Variants in ZNF862 observed in about 807,000 individuals in gnomAD.
The protein encoded by ZNF862 is zinc finger protein 862.
In ZNF862, 64 loss-of-function variants were observed where a neutral mutation model predicts 91.1. The observed-to-expected ratio is 0.70, with a 90% CI of 0.57 to 0.87. The LOEUF is 0.87. Ranked by LOEUF, ZNF862 falls within the 40% of genes least tolerant of loss-of-function variation. ZNF862 has a pLI of 0.00. For missense variants in ZNF862, 1,459 were observed against 1,528.0 expected, an observed-to-expected ratio of 0.95 and a Z score of 0.75; for synonymous variants, 631 against 618.1, an observed-to-expected ratio of 1.02 and a Z score of -0.31.
At chr7:149,844,540 G>C (rs1801807150) in intron 1 of ZNF862, 85 bp from the exon 2 acceptor site, 1 of 882,644 alleles carries the variant, frequency 1.1e-6, no homozygotes, top group Non-Finnish European at 1.8e-6. Context: ...TCCCCGTGTA[G>C]GGTGCCCTCA....
At position 149,848,352 on chromosome 7, in the gene ZNF862, C is replaced by T; in HGVS notation, c.859C>T (p.Gln287Ter). ...MYLDCISDLR[Q>*]KEITDGIHSS... ...TCTAGACTGCATTTCAGATTTGAGGCAAAAAGAAATCACTGATGGCATCCA... is the reference window on the plus strand; with the variant it reads ...TCTAGACTGCATTTCAGATTTGAGGTAAAAAGAAATCACTGATGGCATCCA... The change falls in exon 4 of 8, where the codon CAA (glutamine) becomes TAA (stop). Residue 287 changes from glutamine (Q) to a stop codon, truncating the protein, a stop_gained. Transcript: ENST00000223210. LOFTEE classifies it high-confidence loss of function. 6.2e-7 allele frequency: 1 copy of T among 1,603,678 alleles called. No individual in the cohort carries two copies. Among genetic ancestry groups the T allele is most frequent in the South Asian group, 1.1e-5 (1 of 89,300 alleles).
chr7:149,840,957 G>A (rs772978650), intron 1 of ZNF862: 18 of 985,218 alleles, frequency 1.8e-5, no homozygotes, highest in African/African-American at 3.5e-5. Flanking sequence ...ACCTGATTCC[G>A]TGTCCTGTCC....
intron 5 of ZNF862, chr7:149,859,031 G>A: frequency 3.9e-6 from 1 of 257,670 alleles, no homozygotes; most frequent in South Asian, 3.0e-5. Flanking sequence ...GGGGCAGAGG[G>A]GCACACGCGT....
Position 149,862,440 on chromosome 7 carries a change from C to T in ZNF862, c.3280C>T (p.Arg1094Trp), listed in dbSNP as rs370146511. ...GCACTGGTACCTGACCTCCTCAGGCCGGCGTTTCAGCCATGTCTACACCTG... is the reference window on the plus strand; with the variant it reads ...GCACTGGTACCTGACCTCCTCAGGCTGGCGTTTCAGCCATGTCTACACCTG... ...IQHWYLTSSG[R>W]RFSHVYTCAQ... The change falls in exon 7 of 8, where the codon CGG (arginine) becomes TGG (tryptophan). Residue 1094 changes from arginine to tryptophan, a missense_variant. Transcript: ENST00000223210. The T allele has an allele frequency of 4.0e-5, 64 of 1,611,810 alleles. No individual in the cohort carries two copies. Among genetic ancestry groups the T allele is most frequent in the African/African-American group, 5.3e-5 (4 of 74,892 alleles).
chr7:149,852,171 CAT>C (rs573896348), intron 5 of ZNF862: 11 of 151,428 alleles, frequency 7.3e-5, no homozygotes, highest in Non-Finnish European at 1.2e-4. Flanking sequence ...AGTGTTAAAA[CAT>C]AGTGGAGATT....
intron 5 of ZNF862, among the ~76,000 whole-genome samples, chr7:149,857,007 C>G (rs1802286736): frequency 6.6e-6 from 1 of 152,188 alleles, no homozygotes; most frequent in South Asian, 2.1e-4. Flanking sequence ...CTAGTGCCTT[C>G]TTATTCCAGA....
chr7:149,859,286 C>A, intron 5 of ZNF862, 136 bp from the exon 6 acceptor site: 1 of 823,602 alleles, frequency 1.2e-6, no homozygotes, highest in Non-Finnish European at 2.0e-6. Flanking sequence ...GCTCAGCCTG[C>A]CCCTGGCCGA....
At chr7:149,848,457 T>C in intron 4 of ZNF862, 25 bp downstream of exon 4, 1 of 1,454,824 alleles carries the variant, frequency 6.9e-7, no homozygotes, top group Non-Finnish European at 9.1e-7. Context: ...ATGATTGCTG[T>C]ATCTTACAGA....
In ZNF862 at chr7:149,864,914, T is replaced by A. The variant is rs1802660124; in HGVS notation, c.*630T>A. 6.6e-6 allele frequency: 1 copy of A among 152,386 alleles called. No homozygotes were observed. Among genetic ancestry groups the A allele is most frequent in the East Asian group, 1.9e-4 (1 of 5,188 alleles). 9.4% of individuals were successfully genotyped at this position (152,386 alleles called of 1,614,324 possible). A position where few individuals can be genotyped will look rare whatever the true frequency, so the allele number is the denominator to read the frequency against. ...AAAGTTCTCTTCCTGCAGCTCCAGA[T>A]GGTGGAGCTGGGCTCTTCTGGCAGG... On this transcript the variant is annotated 3_prime_UTR_variant, in exon 8 of 8. Transcript: ENST00000223210.
In ZNF862 at chr7:149,848,095, T is replaced by C; in HGVS notation, c.602T>C (p.Phe201Ser). ...CACGCGAAGAGCAAGGCCCACATGT[T>C]CTGTGTCAATGCCTTGGCAGCGAGG... ...KYHAKSKAHM[F>S]CVNALAARDP... The change falls in exon 4 of 8, where the codon TTC (phenylalanine) becomes TCC (serine). Residue 201 changes from phenylalanine (F) to serine (S), a missense_variant. Transcript: ENST00000223210. The C allele has an allele frequency of 1.2e-6, 2 of 1,614,054 alleles. No individual in the cohort carries two copies. The highest frequency in any genetic ancestry group is 2.2e-5 in the South Asian group (2 of 91,086).
At chr7:149,863,017 G>A (rs1802575444) in intron 7 of ZNF862, among the ~76,000 whole-genome samples, 1 of 152,222 alleles carries the variant, frequency 6.6e-6, no homozygotes, top group African/African-American at 2.4e-5. Context: ...GGTCCATGTG[G>A]CTGTGGAGGA....
At chr7:149,846,292 C>T (rs1221832243) in intron 3 of ZNF862, 37 bp downstream of exon 3, 1 of 1,541,478 alleles carries the variant, frequency 6.5e-7, no homozygotes. Context: ...AGATGCTTGG[C>T]TGGAGAGGGA....
At chr7:149,848,837 C>T (rs57340834) in intron 4 of ZNF862, among the ~76,000 whole-genome samples, 6,633 of 152,162 alleles carry the variant, frequency 0.044, 448 homozygotes, top group African/African-American at 0.14. Context: ...AGGGTATGGC[C>T]CTGTCACCCA....
At position 149,861,135 on chromosome 7, in the gene ZNF862, C is replaced by G. The variant is rs753978153; in HGVS notation, c.1975C>G (p.Leu659Val). The change falls in exon 7 of 8, where the codon CTG (leucine) becomes GTG (valine). Residue 659 changes from leucine to valine, a missense_variant. Coordinates refer to ENST00000223210, the MANE Select transcript of ZNF862 (RefSeq NM_001099220.3). This position sits in a 1 kb window ranked among gnomAD's most constrained non-coding sequence, Gnocchi z 6.7. ...GGAGGTGAAAGAGTCCTACATCACTCTGGCCCCTCTCTACAGTGAGACAGC... is the reference window on the plus strand; with the variant it reads ...GGAGGTGAAAGAGTCCTACATCACTGTGGCCCCTCTCTACAGTGAGACAGC... ...QMEVKESYIT[L>V]APLYSETADG... 12 of 1,613,068 alleles carry G rather than the reference C, an allele frequency of 7.4e-6. No homozygotes were observed. Among genetic ancestry groups the G allele is most frequent in the Non-Finnish European group, 1.0e-5 (12 of 1,179,854 alleles).
chr7:149,841,808 G>C, intron 1 of ZNF862: 2 of 962,878 alleles, frequency 2.1e-6, no homozygotes, highest in African/African-American at 1.8e-5. Flanking sequence ...TCTGAACATG[G>C]TTCTATTATT....
In ZNF862 at chr7:149,848,135, A is replaced by G. The variant is rs751043243; in HGVS notation, c.642A>G (p.Ala214=). The G allele has an allele frequency of 5.0e-6, 8 of 1,614,076 alleles. No individual in the cohort carries two copies. The highest frequency in any genetic ancestry group is 6.8e-6 in the Non-Finnish European group (8 of 1,179,896). The change falls in exon 4 of 8, where the codon GCA becomes GCG. Residue 214 remains alanine (A), a synonymous_variant. Coordinates refer to ENST00000223210, the MANE Select transcript of ZNF862 (RefSeq NM_001099220.3). ...TGGCAGCGAGGGACCCCATCTGGGC[A>G]GCCCGGTTCCGGAGCATCAGAGACC... is the stretch of plus-strand genomic sequence containing the variant. ...NALAARDPIW[A]ARFRSIRDPP...
chr7:149,860,370 A>G lies in ZNF862; in HGVS notation c.1223-13A>G, dbSNP rs772970861. ...GGGTAGCAGAACCAAGCATGATTCA[A>G]TTTTCTCCAAAGGGAACAAGAAGAT... On this transcript the variant is annotated splice_polypyrimidine_tract_variant and intron_variant, in intron 6 of 7. Coordinates refer to ENST00000223210, the MANE Select transcript of ZNF862 (RefSeq NM_001099220.3). 14 of 1,596,294 alleles carry G rather than the reference A, an allele frequency of 8.8e-6. 1 individual carries two copies. Among genetic ancestry groups the G allele is most frequent in the East Asian group, 2.2e-5 (1 of 44,726 alleles).
In ZNF862 at chr7:149,846,744, G is replaced by C. The variant is rs1014714596; in HGVS notation, c.241+489G>C. ...TACGTAAAATAACTGCGTTAACCCAGCCCCTACTGTGGGAGAAGAGGGAGG... is the reference window on the plus strand; with the variant it reads ...TACGTAAAATAACTGCGTTAACCCACCCCCTACTGTGGGAGAAGAGGGAGG... On this transcript the variant is annotated intron_variant, in intron 3 of 7. Coordinates refer to ENST00000223210, the MANE Select transcript of ZNF862 (RefSeq NM_001099220.3). Among the ~76,000 whole-genome samples, 3 of 152,208 alleles carry C rather than the reference G, an allele frequency of 2.0e-5. No individual in the cohort carries two copies. The South Asian group carries it at 6.2e-4, about 32-fold the overall frequency.
rs1228217469 is a variant in ZNF862, at chr7:149,847,729, C to T, written c.242-6C>T. 2 of 1,600,672 alleles carry T rather than the reference C, an allele frequency of 1.2e-6. No homozygotes were observed. Among genetic ancestry groups the T allele is most frequent in the Non-Finnish European group, 1.7e-6 (2 of 1,173,952 alleles). Reference sequence around the variant, plus strand: ...AAAGCCAATCCCTTCTGTCTCTTCTCTAAAGGAAAAAAACAGATGGGCTAC... The same window carrying T: ...AAAGCCAATCCCTTCTGTCTCTTCTTTAAAGGAAAAAAACAGATGGGCTAC... On this transcript the variant is annotated splice_polypyrimidine_tract_variant and splice_region_variant and intron_variant, in intron 3 of 7. Coordinates refer to ENST00000223210, the MANE Select transcript of ZNF862 (RefSeq NM_001099220.3).
Sources: gnomAD v4.1 joint callset for allele counts (sites outside exome capture counted in the v4.1 genomes callset) on GRCh38, gnomAD v4.1.1 for gene constraint, Gnocchi (gnomAD v3.1) non-coding constraint, MANE v1.5 for transcripts, NCBI Gene and HGNC (gene_info 2026-07-23, HGNC 2026-07-21) for gene names.